Variants in EXOSC7 observed in about 807,000 individuals in gnomAD.
EXOSC7 encodes exosome complex component RRP42.
In EXOSC7, 25 loss-of-function variants were observed where a neutral mutation model predicts 34.3. That is an observed-to-expected ratio of 0.73 (90% CI 0.53 to 1.02). The LOEUF (loss-of-function observed/expected upper bound fraction) is 1.02, where lower values mean the gene tolerates loss of function less well. Ranked by LOEUF, EXOSC7 falls within the 50% of genes least tolerant of loss-of-function variation. The probability of loss-of-function intolerance (pLI) is 0.00; values close to 1 mark genes in which losing one functional copy is unlikely to be tolerated. For missense variants in EXOSC7, 370 were observed against 368.5 expected, an observed-to-expected ratio of 1.00 and a Z score of -0.03; for synonymous variants, 130 against 143.0, an observed-to-expected ratio of 0.91 and a Z score of 0.65.
intron 5 of EXOSC7, 62 bp downstream of exon 5, chr3:45,001,670 G>T (rs1706884964): frequency 8.7e-7 from 1 of 1,151,106 alleles, no homozygotes; most frequent in Non-Finnish European, 1.3e-6. Context: ...ACTTGTAATG[G>T]AACACTGAGG....
chr3:44,985,297 A>G lies in EXOSC7; in HGVS notation c.58-3843A>G, dbSNP rs183436841. On this transcript the variant is annotated intron_variant, in intron 1 of 7. Transcript: ENST00000265564. ...TGAAATTCTGTTGCTTTTTGAATCC[A>G]TCTCCAGACTCAAGATAGGGATATT... Among the ~76,000 whole-genome samples the G allele has an allele frequency of 1.7e-3, 258 of 152,316 alleles. 10 individuals carry two copies. Among genetic ancestry groups the G allele is most frequent in the Admixed American group, 0.017 (255 of 15,310 alleles).
chr3:44,999,545 T>C (rs1194332408), intron 4 of EXOSC7, among the ~76,000 whole-genome samples: 2 of 152,064 alleles, frequency 1.3e-5, no homozygotes, highest in African/African-American at 2.4e-5. Context: ...AAAAATTAGC[T>C]GGGCATGGTG....
At chr3:44,978,079 C>T (rs528971873) in intron 1 of EXOSC7, among the ~76,000 whole-genome samples, 2 of 152,246 alleles carry the variant, frequency 1.3e-5, no homozygotes, top group East Asian at 1.9e-4. Context: ...GGGAGACAAA[C>T]AGAGAGTAAA....
At chr3:44,997,309 G>A (rs1380862183) in intron 4 of EXOSC7, 57 bp downstream of exon 4, 8 of 1,525,744 alleles carry the variant, frequency 5.2e-6, no homozygotes, top group Non-Finnish European at 7.1e-6. Flanking sequence ...AGACTAGTTG[G>A]CCTATTTTCC....
At chr3:44,989,050 T>C (rs998903370) in intron 1 of EXOSC7, 90 bp from the exon 2 acceptor site, 13 of 815,058 alleles carry the variant, frequency 1.6e-5, no homozygotes, top group African/African-American at 1.0e-4. Flanking sequence ...ATATTCTGCA[T>C]ATATCTTCTC....
At chr3:44,997,365 G>A in intron 4 of EXOSC7, 113 bp downstream of exon 4, 3 of 941,320 alleles carry the variant, frequency 3.2e-6, no homozygotes, top group East Asian at 2.5e-5. Flanking sequence ...CAACTTATAG[G>A]GTGGGATTAG....
chr3:44,976,478 C>T, intron 1 of EXOSC7, 144 bp downstream of exon 1: 1 of 721,652 alleles, frequency 1.4e-6, no homozygotes, highest in East Asian at 3.4e-5. Flanking sequence ...CTGCTGCCGG[C>T]GTTTGCAATT....
intron 3 of EXOSC7, among the ~76,000 whole-genome samples, chr3:44,996,011 C>A (rs1054669430): frequency 1.3e-5 from 2 of 152,152 alleles, no homozygotes; most frequent in Non-Finnish European, 2.9e-5. Flanking sequence ...CCCCTACTCC[C>A]GCTTCTACCT....
intron 1 of EXOSC7, among the ~76,000 whole-genome samples, chr3:44,987,770 CTG>C (rs1231731031): frequency 2.0e-5 from 3 of 152,292 alleles, no homozygotes; most frequent in African/African-American, 7.2e-5. Context: ...AGTTCAGAAA[CTG>C]TGTATACTAA....
chr3:44,990,309 A>C (rs756992849), intron 3 of EXOSC7, among the ~76,000 whole-genome samples: 14 of 152,244 alleles, frequency 9.2e-5, no homozygotes, highest in African/African-American at 3.4e-4. Context: ...AGTACCTAGC[A>C]CAGTGACTGA....
intron 3 of EXOSC7, among the ~76,000 whole-genome samples, chr3:44,990,410 C>T (rs1322231302): frequency 1.3e-5 from 2 of 152,062 alleles, no homozygotes; most frequent in African/African-American, 4.8e-5. Context: ...GGGGTCGGGG[C>T]TTTTTATTTG....
At chr3:45,012,494 GT>G (rs1697314317), downstream of EXOSC7, 1 of 152,140 alleles carries the variant, frequency 6.6e-6, no homozygotes, top group Admixed American at 6.5e-5. Flanking sequence ...CATCTTTTAT[GT>G]TTCTTCAGTG....
intron 1 of EXOSC7, among the ~76,000 whole-genome samples, chr3:44,986,637 G>T (rs933377324): frequency 1.3e-5 from 2 of 152,258 alleles, no homozygotes; most frequent in Admixed American, 6.5e-5. Context: ...GGCTGTGAGG[G>T]CTGCCAGCAC....
intron 6 of EXOSC7, 124 bp downstream of exon 6, chr3:45,005,538 T>TGTGG: frequency 1.1e-6 from 1 of 913,976 alleles, no homozygotes; most frequent in Non-Finnish European, 1.6e-6. Flanking sequence ...GAAGTAGCTT[T>TGTGG]TACCCAAATC....
chr3:44,997,398 A>G (rs1706752158), intron 4 of EXOSC7, 146 bp downstream of exon 4: 1 of 621,928 alleles, frequency 1.6e-6, no homozygotes, highest in South Asian at 3.1e-5. Flanking sequence ...GGTCTCCTAT[A>G]ATAATTTTTT....
Position 45,011,351 on chromosome 3 carries a change from A to C in EXOSC7, c.*12A>C. 6.7e-7 allele frequency: 1 copy of C among 1,502,860 alleles called. No individual in the cohort carries two copies. Among genetic ancestry groups the C allele is most frequent in the Non-Finnish European group, 9.2e-7 (1 of 1,084,358 alleles). 93.1% of individuals were successfully genotyped at this position (1,502,860 alleles called of 1,614,324 possible). The stretch of plus-strand genomic sequence containing the variant: ...GATTCCTGGGATGATTTGCACATCA[A>C]CTGCTCAACTGTGGATTGTTTTTTA... On this transcript the variant is annotated 3_prime_UTR_variant, in exon 8 of 8. Coordinates refer to ENST00000265564, the MANE Select transcript of EXOSC7 (RefSeq NM_015004.4).
downstream of EXOSC7, among the ~76,000 whole-genome samples, chr3:45,011,915 A>G (rs922297508): frequency 1.3e-5 from 2 of 152,214 alleles, no homozygotes; most frequent in Non-Finnish European, 2.9e-5. Flanking sequence ...GCCCTTAGCC[A>G]TCCTTTCTTA....
rs185057694 is a variant in EXOSC7, at chr3:44,988,201, A to G, written c.58-939A>G. Among the ~76,000 whole-genome samples, 21 of 152,364 alleles carry G rather than the reference A, an allele frequency of 1.4e-4. No individual in the cohort carries two copies. In the East Asian group the frequency reaches 2.1e-3, roughly 15 times the overall value. ...ATAGATATCTTGTGTTGCAGAAAGT[A>G]GATAATTACTCAAAAAGTTGGAGGC... On this transcript the variant is annotated intron_variant, in intron 1 of 7. Transcript: ENST00000265564.
intron 3 of EXOSC7, among the ~76,000 whole-genome samples, chr3:44,991,861 A>G (rs62242659): frequency 0.098 from 14,873 of 151,992 alleles, 766 homozygotes; most frequent in Middle Eastern, 0.18. Context: ...TCCTGAATTG[A>G]TTTCTCAAGA....
Sources: gnomAD v4.1 joint callset for allele counts (sites outside exome capture counted in the v4.1 genomes callset) on GRCh38, gnomAD v4.1.1 for gene constraint, MANE v1.5 for transcripts, NCBI Gene and HGNC (gene_info 2026-07-23, HGNC 2026-07-21) for gene names.